TENM1: variants seen among roughly 807,000 people sequenced by gnomAD.
TENM1 encodes teneurin-1.
A neutral mutation model predicts 174.8 loss-of-function variants in TENM1; 35 were observed. That is an observed-to-expected ratio of 0.20 (90% CI 0.15 to 0.27). The LOEUF is 0.27. TENM1 is among the 10% of genes least tolerant of loss of function. TENM1 has a pLI of 1.00. For synonymous variants in TENM1, 781 were observed against 798.7 expected, an observed-to-expected ratio of 0.98 and a Z score of 0.37; for missense variants, 1,633 against 2,130.1, an observed-to-expected ratio of 0.77 and a Z score of 4.59.
chrX:124,895,531 AC>A (rs1225845525), intron 2 of TENM1, among the ~76,000 whole-genome samples: 2 of 112,008 alleles, frequency 1.8e-5, no homozygotes, highest in African/African-American at 6.5e-5. Context: ...TTGCGTTTGT[AC>A]ATTCAACAGG....
intron 3 of TENM1, among the ~76,000 whole-genome samples, chrX:124,759,603 A>C (rs2054357851): frequency 8.9e-6 from 1 of 111,874 alleles, no homozygotes; most frequent in Middle Eastern, 4.2e-3. Flanking sequence ...CTTCACTTAG[A>C]ATAATAGTCT....
intron 3 of TENM1, among the ~76,000 whole-genome samples, chrX:124,793,880 A>G (rs1200106822): frequency 3.6e-5 from 4 of 110,882 alleles, no homozygotes; most frequent in African/African-American, 9.8e-5. Flanking sequence ...TTTCTTTTAC[A>G]GCACTATTTC....
intron 3 of TENM1, among the ~76,000 whole-genome samples, chrX:124,832,296 T>C (rs1454066787): frequency 8.9e-6 from 1 of 112,025 alleles, no homozygotes; most frequent in African/African-American, 3.2e-5. Context: ...TAAATAAATA[T>C]TGTTAAGGGA....
chrX:124,708,048 C>G (rs1005130018), intron 4 of TENM1, among the ~76,000 whole-genome samples: 1 of 112,186 alleles, frequency 8.9e-6, no homozygotes, highest in African/African-American at 3.2e-5. Flanking sequence ...CTTAAGCAGT[C>G]TACCGTATTA....
chrX:125,128,044 C>A, the TENM1 span, among the ~76,000 whole-genome samples: 14 of 111,435 alleles, frequency 1.3e-4, no homozygotes, highest in South Asian at 5.3e-3. Flanking sequence ...AACAAGTATA[C>A]ATGATTGCAT....
intron 3 of TENM1, among the ~76,000 whole-genome samples, chrX:124,864,541 T>C (rs967784523): frequency 1.8e-5 from 2 of 111,015 alleles, no homozygotes; most frequent in East Asian, 5.7e-4. Flanking sequence ...TTCTTGAAAA[T>C]ACATAGTCAG....
At chrX:124,911,435 G>A in intron 1 of TENM1, among the ~76,000 whole-genome samples, 1 of 111,465 alleles carries the variant, frequency 9.0e-6, no homozygotes. Flanking sequence ...TAAGTGCCGT[G>A]ATAGATCTAT....
At chrX:124,804,519 C>A (rs1179502062) in intron 3 of TENM1, among the ~76,000 whole-genome samples, 1 of 111,689 alleles carries the variant, frequency 9.0e-6, no homozygotes, top group African/African-American at 3.3e-5. Flanking sequence ...TAAATCACTG[C>A]AGTTTTGATT....
intron 3 of TENM1, among the ~76,000 whole-genome samples, chrX:124,787,040 AC>A (rs1319593132): frequency 1.8e-5 from 2 of 112,054 alleles, no homozygotes; most frequent in African/African-American, 6.5e-5. Flanking sequence ...ATTCATGGAA[AC>A]ATTAGTAATT....
At chrX:124,492,421 T>G (rs1327314210) in intron 20 of TENM1, among the ~76,000 whole-genome samples, 3 of 111,402 alleles carry the variant, frequency 2.7e-5, no homozygotes. Flanking sequence ...TTTGGAAAAT[T>G]TATAAAGCAA....
chrX:124,679,111 T>TC (rs1258377005), intron 5 of TENM1, among the ~76,000 whole-genome samples: 3 of 112,508 alleles, frequency 2.7e-5, no homozygotes, highest in East Asian at 5.6e-4. Context: ...ATTTTCTAAA[T>TC]CCACTAAATA....
chrX:124,672,933 A>G (rs927304004), intron 5 of TENM1, among the ~76,000 whole-genome samples: 5 of 112,340 alleles, frequency 4.5e-5, no homozygotes, highest in Non-Finnish European at 9.4e-5. Context: ...TGTTAACAGC[A>G]TGGGAAGCTT....
chrX:124,589,566 A>C (rs1000026866), intron 11 of TENM1, among the ~76,000 whole-genome samples: 1 of 110,422 alleles, frequency 9.1e-6, no homozygotes, highest in South Asian at 3.9e-4. Flanking sequence ...TGGTTGCTAG[A>C]GTTTTTATTA....
chrX:124,602,066 G>C (rs888171975), intron 11 of TENM1, among the ~76,000 whole-genome samples: 5 of 110,863 alleles, frequency 4.5e-5, no homozygotes. Context: ...TCAGTAGTTT[G>C]CTCATTTGGC....
At chrX:124,852,360 A>G (rs747005783) in intron 3 of TENM1, among the ~76,000 whole-genome samples, 5 of 110,451 alleles carry the variant, frequency 4.5e-5, no homozygotes, top group Non-Finnish European at 7.6e-5. Flanking sequence ...CACATGTGAA[A>G]AATTATGAGG....
intron 11 of TENM1, among the ~76,000 whole-genome samples, chrX:124,593,299 T>C (rs1208776574): frequency 9.1e-6 from 1 of 109,764 alleles, no homozygotes; most frequent in Non-Finnish European, 1.9e-5. Flanking sequence ...TCCAGGTGAG[T>C]TGGTGCTCCA....
At chrX:124,619,733 C>T (rs1216115010) in intron 11 of TENM1, among the ~76,000 whole-genome samples, 1 of 111,974 alleles carries the variant, frequency 8.9e-6, no homozygotes, top group African/African-American at 3.2e-5. Context: ...AAAAAAGTCT[C>T]TTTTAAATTT....
chrX:125,026,820 A>G, the TENM1 span, among the ~76,000 whole-genome samples: 1 of 112,303 alleles, frequency 8.9e-6, no homozygotes, highest in Non-Finnish European at 1.9e-5. Flanking sequence ...CATTTAACAA[A>G]AATCAACTTC....
At position 124,480,403 on chromosome X, in the gene TENM1, A is replaced by T. The variant is rs753132998; in HGVS notation, c.3949+1329T>A. On this transcript the variant is annotated intron_variant, in intron 22 of 31. Transcript: ENST00000422452. ...ATTCAATCCCAATATAGCAAACGTC[A>T]AATGGTTAAAGAGTAACCTCTTAAA... is the stretch of plus-strand genomic sequence containing the variant. Among the ~76,000 whole-genome samples the T allele has an allele frequency of 3.6e-5, 4 of 112,166 alleles. No homozygotes were observed. In the South Asian group the frequency reaches 1.5e-3, roughly 42 times the overall value.
Sources: allele counts gnomAD v4.1 joint callset (sites outside exome capture counted in the v4.1 genomes callset), GRCh38; gene constraint gnomAD v4.1.1; transcripts MANE v1.5; gene names NCBI Gene and HGNC (gene_info 2026-07-23, HGNC 2026-07-21).